Variants in NWD1 observed in about 807,000 individuals in gnomAD.
NWD1 encodes the protein NACHT and WD repeat domain containing 1, also known as NACHT domain- and WD repeat-containing protein 1.
Under a neutral mutation model 135.1 loss-of-function variants are expected in NWD1, and 129 were observed. The ratio of observed to expected loss-of-function variants is 0.96; its 90% CI spans 0.83 to 1.11. The LOEUF is 1.11. Ranked by LOEUF, NWD1 falls within the 50% of genes least tolerant of loss-of-function variation. The pLI, the probability that NWD1 is intolerant of heterozygous loss-of-function variation, is 0.00. For missense variants in NWD1, 1,740 were observed against 1,851.3 expected, an observed-to-expected ratio of 0.94 and a Z score of 1.10; for synonymous variants, 773 against 786.0, an observed-to-expected ratio of 0.98 and a Z score of 0.28.
chr19:16,733,791 T>C (rs1225502298), intron 3 of NWD1, among the ~76,000 whole-genome samples: 2 of 129,628 alleles, frequency 1.5e-5, no homozygotes, highest in African/African-American at 3.4e-5. Flanking sequence ...CACACGCACA[T>C]CGGGAGACGG....
At chr19:16,791,680 G>A (rs1393124539) in intron 14 of NWD1, 58 bp downstream of exon 14, 1 of 1,506,834 alleles carries the variant, frequency 6.6e-7, no homozygotes. Context: ...GTGCTCAGAT[G>A]TGCTAGAAGT....
At chr19:16,729,245 T>C (rs1967456445) in intron 2 of NWD1, among the ~76,000 whole-genome samples, 1 of 152,092 alleles carries the variant, frequency 6.6e-6, no homozygotes, top group South Asian at 2.1e-4. Context: ...TTGCCACAGC[T>C]GCATGGCCCT....
rs963453075 is a variant in NWD1 at position 16,767,982 on chromosome 19, CTTTT to C, written c.2410+2812_2410+2815del. Among the ~76,000 whole-genome samples the C allele has an allele frequency of 6.1e-3, 513 of 83,494 alleles. 2 individuals are homozygous for C. Among genetic ancestry groups the C allele is most frequent in the African/African-American group, 0.024 (489 of 20,100 alleles). The allele number at this position is 83,494 out of a possible 152,430, so 54.8% of individuals were successfully genotyped here. ...TGTAGCATATGTCAGAATTTCCTTC[CTTTT>C]TTTTTTTTTTTTTTTTTTTTTGCAC... On this transcript the variant is annotated intron_variant, in intron 10 of 18. Coordinates refer to ENST00000524140, the MANE Select transcript of NWD1 (RefSeq NM_001007525.5).
intron 14 of NWD1, among the ~76,000 whole-genome samples, chr19:16,792,871 C>T (rs1970294105): frequency 7.7e-6 from 1 of 130,150 alleles, no homozygotes; most frequent in Admixed American, 7.6e-5. Flanking sequence ...ATCAAAACTC[C>T]ATCTCAAAAA....
intron 7 of NWD1, among the ~76,000 whole-genome samples, 172 bp downstream of exon 7, chr19:16,759,600 G>C (rs1968931693): frequency 6.6e-6 from 1 of 152,178 alleles, no homozygotes; most frequent in Admixed American, 6.6e-5. Flanking sequence ...GTTGAGGCTG[G>C]AAGCAGTGGC....
chr19:16,749,395 GA>G lies in NWD1; in HGVS notation c.755del (p.Asn252ThrfsTer11), dbSNP rs1968460371. ...GCCTGCCGTGGAGCCGCGACTTGGT[GA>G]ACCCCAAGAACAAGACTCACGCCTG... is the stretch of plus-strand genomic sequence containing the variant. ...HRLPWSRDLV[N>X]PKNKTHACYL... is the part of the protein sequence containing the mutation. On this transcript the variant is annotated frameshift_variant, in exon 6 of 19. Coordinates refer to ENST00000524140, the MANE Select transcript of NWD1 (RefSeq NM_001007525.5). LOFTEE classifies it high-confidence loss of function. 6.2e-7 allele frequency: 1 copy of G among 1,613,910 alleles called. No individual in the cohort carries two copies. Among genetic ancestry groups the G allele is most frequent in the Admixed American group, 1.7e-5 (1 of 59,990 alleles).
chr19:16,812,444 G>A (rs961962861), intron 18 of NWD1, among the ~76,000 whole-genome samples: 5 of 151,880 alleles, frequency 3.3e-5, no homozygotes, highest in Non-Finnish European at 7.4e-5. Context: ...CAAGGCTAGT[G>A]GATCACCTGA....
chr19:16,813,001 G>A (rs1970971747), intron 18 of NWD1: 2 of 641,478 alleles, frequency 3.1e-6, no homozygotes, highest in South Asian at 1.8e-5. Context: ...AAGGCAAAGG[G>A]CCCACAATCC....
intron 6 of NWD1, among the ~76,000 whole-genome samples, chr19:16,751,498 A>G (rs1432519829): frequency 6.7e-6 from 1 of 149,808 alleles, no homozygotes; most frequent in African/African-American, 2.5e-5. Context: ...GGAAGGAAGG[A>G]AGGGAGGAAG....
chr19:16,735,595 G>T (rs985308062), intron 3 of NWD1, among the ~76,000 whole-genome samples: 3 of 151,438 alleles, frequency 2.0e-5, no homozygotes, highest in African/African-American at 7.3e-5. Flanking sequence ...TTGGGAAGCC[G>T]AGGTGGGTGG....
At chr19:16,779,813 G>T (rs760871205) in intron 12 of NWD1, among the ~76,000 whole-genome samples, 5 of 151,684 alleles carry the variant, frequency 3.3e-5, no homozygotes, top group Non-Finnish European at 7.4e-5. Flanking sequence ...ATTTTTTAAT[G>T]TTTTTAGAAA....
chr19:16,745,119 G>A, intron 5 of NWD1: 1 of 461,392 alleles, frequency 2.2e-6, no homozygotes, highest in Non-Finnish European at 4.3e-6. Flanking sequence ...CAAAGGAGAA[G>A]CAAAGAGGCA....
intron 6 of NWD1, among the ~76,000 whole-genome samples, chr19:16,751,937 A>G (rs1375724579): frequency 6.6e-6 from 1 of 151,526 alleles, no homozygotes; most frequent in Admixed American, 6.6e-5. Context: ...GGAAAGAAGA[A>G]AGGAAGGAAA....
At chr19:16,732,677 T>TAAAA (rs1464805489) in intron 3 of NWD1, among the ~76,000 whole-genome samples, 42 of 85,140 alleles carry the variant, frequency 4.9e-4, no homozygotes, top group African/African-American at 2.0e-3. Context: ...AAAGAAAAAG[T>TAAAA]GAAAAAGTGC....
chr19:16,732,192 G>T (rs1008924044), intron 3 of NWD1, among the ~76,000 whole-genome samples: 4 of 146,448 alleles, frequency 2.7e-5, no homozygotes, highest in Non-Finnish European at 6.0e-5. Flanking sequence ...ACTCCAGCCT[G>T]GGTGACAGAG....
intron 9 of NWD1, 39 bp downstream of exon 9, chr19:16,763,984 GA>G: frequency 2.5e-6 from 3 of 1,215,084 alleles, no homozygotes; most frequent in Non-Finnish European, 3.7e-6. Context: ...CGAGCCTGGT[GA>G]CTGCACCACG....
At chr19:16,778,043 G>A (rs1412493914) in intron 11 of NWD1, among the ~76,000 whole-genome samples, 1 of 151,260 alleles carries the variant, frequency 6.6e-6, no homozygotes, top group Non-Finnish European at 1.5e-5. Flanking sequence ...GAGGGAAGGG[G>A]AGGAGAAGAA....
chr19:16,725,934 A>G (rs1393708770), intron 2 of NWD1, among the ~76,000 whole-genome samples: 2 of 149,292 alleles, frequency 1.3e-5, no homozygotes, highest in East Asian at 2.0e-4. Flanking sequence ...CCATCATGCC[A>G]TAGCTACATT....
intron 2 of NWD1, among the ~76,000 whole-genome samples, chr19:16,728,773 T>C (rs533736686): frequency 1.4e-4 from 20 of 147,730 alleles, no homozygotes; most frequent in Middle Eastern, 3.9e-3. Flanking sequence ...TGAAACCCTG[T>C]CTCTACTAAA....
Sources: gnomAD v4.1 joint callset for allele counts (sites outside exome capture counted in the v4.1 genomes callset) on GRCh38, gnomAD v4.1.1 for gene constraint, MANE v1.5 for transcripts, NCBI Gene and HGNC (gene_info 2026-07-23, HGNC 2026-07-21) for gene names.